Variants in ACACA observed in about 807,000 individuals in gnomAD.
The protein encoded by ACACA is acetyl-CoA carboxylase 1.
Under a neutral mutation model 296.1 loss-of-function variants are expected in ACACA, and 103 were observed. That is an observed-to-expected ratio of 0.35 (90% CI 0.30 to 0.41). The LOEUF is 0.41. ACACA is among the 10% of genes least tolerant of loss of function. The pLI is 1.00. For synonymous variants in ACACA, 953 were observed against 1,038.6 expected, an observed-to-expected ratio of 0.92 and a Z score of 1.58; for missense variants, 1,554 against 2,989.7, an observed-to-expected ratio of 0.52 and a Z score of 11.20.
At chr17:37,129,983 A>G (rs2075012296) in intron 46 of ACACA, 92 bp downstream of exon 46, 1 of 1,535,666 alleles carries the variant, frequency 6.5e-7, no homozygotes, top group Admixed American at 1.7e-5. Flanking sequence ...TTCCTCCACC[A>G]TAAAGACAAG....
intron 30 of ACACA, among the ~76,000 whole-genome samples, chr17:37,208,971 C>T (rs1161119689): frequency 6.6e-6 from 1 of 152,210 alleles, no homozygotes; most frequent in Non-Finnish European, 1.5e-5. Flanking sequence ...ACATATTGTA[C>T]CCTATCGCAA....
intron 49 of ACACA, 63 bp downstream of exon 49, chr17:37,122,468 C>T: frequency 7.7e-7 from 1 of 1,298,220 alleles, no homozygotes; most frequent in Non-Finnish European, 1.1e-6. Context: ...CTGATGTATT[C>T]ACAGGCACTG....
intron 9 of ACACA, among the ~76,000 whole-genome samples, chr17:37,273,872 TAGAG>T (rs966731829): frequency 2.0e-5 from 3 of 151,960 alleles, no homozygotes; most frequent in Non-Finnish European, 4.4e-5. Context: ...TAACAGGTGG[TAGAG>T]AGAGAGAGAA....
At chr17:37,135,313 A>G (rs1433233698) in intron 45 of ACACA, among the ~76,000 whole-genome samples, 1 of 152,238 alleles carries the variant, frequency 6.6e-6, no homozygotes, top group Non-Finnish European at 1.5e-5. Context: ...GCAAAGCGTT[A>G]TAATTTTTTC....
At chr17:37,119,383 A>T (rs745648274) in intron 50 of ACACA, among the ~76,000 whole-genome samples, 30 of 152,168 alleles carry the variant, frequency 2.0e-4, no homozygotes, top group Non-Finnish European at 4.0e-4. Context: ...CTCAATAAAA[A>T]TGTGTAGGAT....
At chr17:37,270,129 G>A (rs1028676908) in intron 10 of ACACA, among the ~76,000 whole-genome samples, 6 of 152,158 alleles carry the variant, frequency 3.9e-5, no homozygotes, top group African/African-American at 7.2e-5. Flanking sequence ...ATCCTACATC[G>A]AGCTTTCCTG....
At chr17:37,161,452 C>T (rs1198128978) in intron 42 of ACACA, 16 of 321,444 alleles carry the variant, frequency 5.0e-5, no homozygotes, top group Non-Finnish European at 1.7e-5. Context: ...GATAATTGAC[C>T]GTAAGTCCTG....
intron 4 of ACACA, 82 bp downstream of exon 4, chr17:37,284,756 G>C: frequency 6.3e-7 from 1 of 1,586,514 alleles, no homozygotes; most frequent in Non-Finnish European, 8.6e-7. Flanking sequence ...ATATCAATTG[G>C]GAGCAAATCT....
At chr17:37,127,712 C>T (rs778205820) in intron 47 of ACACA, among the ~76,000 whole-genome samples, 2 of 151,838 alleles carry the variant, frequency 1.3e-5, no homozygotes, top group Admixed American at 6.6e-5. Context: ...GGTGTGGTGG[C>T]ATGCACCTTT....
At chr17:37,327,161 T>G (rs2047661677) in intron 3 of ACACA, among the ~76,000 whole-genome samples, 1 of 152,224 alleles carries the variant, frequency 6.6e-6, no homozygotes, top group Admixed American at 6.5e-5. Flanking sequence ...TATTTAACTT[T>G]GAGTTCCAGG....
intron 52 of ACACA, among the ~76,000 whole-genome samples, chr17:37,099,395 T>C (rs1222059362): frequency 6.6e-6 from 1 of 151,912 alleles, no homozygotes; most frequent in Non-Finnish European, 1.5e-5. Context: ...GGCCCCACAC[T>C]AAGGGATGAC....
At chr17:37,400,788 A>G (rs1383310251) in intron 1 of ACACA, among the ~76,000 whole-genome samples, 1 of 151,636 alleles carries the variant, frequency 6.6e-6, no homozygotes, top group Non-Finnish European at 1.5e-5. Context: ...TTCTTTATTC[A>G]TTCATCCATT....
intron 1 of ACACA, among the ~76,000 whole-genome samples, chr17:37,405,997 G>A (rs2051487267): frequency 6.6e-6 from 1 of 151,564 alleles, no homozygotes; most frequent in African/African-American, 2.4e-5. Flanking sequence ...CTAAATAGAT[G>A]TAACAGTTAT....
At chr17:37,292,718 G>A (rs2146745492) in intron 3 of ACACA, among the ~76,000 whole-genome samples, 1 of 152,278 alleles carries the variant, frequency 6.6e-6, no homozygotes, top group African/African-American at 2.4e-5. Context: ...ACAAAAATTA[G>A]CTGGGCGTGG....
chr17:37,223,607 A>C lies in ACACA; in HGVS notation c.3475-6T>G. 1.3e-6 allele frequency: 2 copies of C among 1,576,054 alleles called. No homozygotes were observed. The highest frequency in any genetic ancestry group is 1.7e-4 in the Middle Eastern group (1 of 5,982). ...GTTTCTGATAGGATGAGTTTCTAGA[A>C]GATACAAAGACAGGCTTAAGCCTTA... On this transcript the variant is annotated splice_region_variant and splice_polypyrimidine_tract_variant and intron_variant, in intron 27 of 55. Coordinates refer to ENST00000616317, the MANE Select transcript of ACACA (RefSeq NM_198834.3).
intron 3 of ACACA, among the ~76,000 whole-genome samples, chr17:37,318,532 C>T (rs1034167919): frequency 2.6e-5 from 4 of 152,190 alleles, no homozygotes; most frequent in Admixed American, 1.3e-4. Flanking sequence ...TGAGCCACCG[C>T]GCCTGGCCTC....
In ACACA at chr17:37,151,488, A is replaced by G. The variant is rs547367639; in HGVS notation, c.5448-67T>C. ...GTAACAACAAGCCATTAAAAGAATA[A>G]TCACCAATAAAAGGCGGCTAAAAGT... On this transcript the variant is annotated intron_variant, in intron 43 of 55. Transcript: ENST00000616317. The G allele has an allele frequency of 2.5e-6, 4 of 1,595,200 alleles. No homozygotes were observed. In the African/African-American group the frequency reaches 5.4e-5, roughly 21 times the overall value.
At chr17:37,347,729 G>A (rs1375144582) in intron 1 of ACACA, among the ~76,000 whole-genome samples, 5 of 136,738 alleles carry the variant, frequency 3.7e-5, no homozygotes, top group South Asian at 4.5e-4. Flanking sequence ...AAAGCATAAC[G>A]CCATCCCTAC....
rs763167996 is a variant in ACACA, at chr17:37,241,913, G to A, written c.3032+40C>T. The A allele has an allele frequency of 4.0e-6, 6 of 1,513,560 alleles. No homozygotes were observed. The South Asian group carries it at 4.5e-5, about 11-fold the overall frequency. The allele number at this position is 1,513,560 out of a possible 1,614,324, so 93.8% of individuals were successfully genotyped here. A position where few individuals can be genotyped will look rare whatever the true frequency, so the allele number is the denominator to read the frequency against. ...CCACTTGAAAGAAAGGAAGACATGAGTATGGACAGGTCTGGGAATCTGGAG... is the reference window on the plus strand; with the variant it reads ...CCACTTGAAAGAAAGGAAGACATGAATATGGACAGGTCTGGGAATCTGGAG... On this transcript the variant is annotated intron_variant, in intron 23 of 55. Transcript: ENST00000616317.
Sources: allele counts gnomAD v4.1 joint callset (sites outside exome capture counted in the v4.1 genomes callset), GRCh38; gene constraint gnomAD v4.1.1; transcripts MANE v1.5; gene names NCBI Gene and HGNC (gene_info 2026-07-23, HGNC 2026-07-21).